Variants in DCHS2 observed in about 807,000 individuals in gnomAD.
DCHS2 encodes the protein protocadherin-23.
A neutral mutation model predicts 182.4 loss-of-function variants in DCHS2; 142 were observed. The observed-to-expected ratio is 0.78, with a 90% confidence interval of 0.68 to 0.89. The LOEUF (loss-of-function observed/expected upper bound fraction) is 0.89, where lower values mean the gene tolerates loss of function less well. DCHS2 is among the 40% of genes least tolerant of loss of function. The pLI, the probability that DCHS2 is intolerant of heterozygous loss-of-function variation, is 0.00. For missense variants in DCHS2, 4,319 were observed against 4,198.6 expected (o/e 1.03, Z -0.79); for synonymous variants, 1,740 against 1,663.3 (o/e 1.05, Z -1.12).
chr4:154,248,455 A>T (rs1201348269), intron 16 of DCHS2, among the ~76,000 whole-genome samples: 2 of 152,136 alleles, frequency 1.3e-5, no homozygotes, highest in East Asian at 3.9e-4. Context: ...TAGCCTTGGG[A>T]GAGGTGAGGC....
At chr4:154,344,860 C>A (rs1181458145) in intron 3 of DCHS2, among the ~76,000 whole-genome samples, 1 of 152,172 alleles carries the variant, frequency 6.6e-6, no homozygotes, top group Non-Finnish European at 1.5e-5. Flanking sequence ...ACTCTGGTCA[C>A]CATGGTGTGG....
intron 1 of DCHS2, among the ~76,000 whole-genome samples, chr4:154,411,253 T>G (rs61497989): frequency 0.65 from 97,982 of 151,738 alleles, 32,108 homozygotes; most frequent in East Asian, 0.98. Context: ...GGTTATCAGG[T>G]AGAAATAAGG....
At chr4:154,384,080 A>C (rs1731291698) in intron 1 of DCHS2, among the ~76,000 whole-genome samples, 1 of 152,190 alleles carries the variant, frequency 6.6e-6, no homozygotes. Flanking sequence ...AACGTTTTAC[A>C]TTTGAAGCAC....
At chr4:154,283,761 G>C (rs1402178150) in intron 13 of DCHS2, among the ~76,000 whole-genome samples, 1 of 152,130 alleles carries the variant, frequency 6.6e-6, no homozygotes, top group Non-Finnish European at 1.5e-5. Context: ...TTCAGTGTTG[G>C]ATCAGAGTCA....
intron 1 of DCHS2, among the ~76,000 whole-genome samples, chr4:154,467,899 T>A (rs568170492): frequency 1.1e-4 from 17 of 152,318 alleles, no homozygotes; most frequent in Admixed American, 6.5e-4. Flanking sequence ...TTCTGTCATA[T>A]GTTCATGCCA....
chr4:154,443,104 C>T (rs955070078), intron 1 of DCHS2, among the ~76,000 whole-genome samples: 1 of 152,084 alleles, frequency 6.6e-6, no homozygotes, highest in African/African-American at 2.4e-5. Flanking sequence ...CTCATGCCCT[C>T]ACTTCCTTCT....
intron 1 of DCHS2, among the ~76,000 whole-genome samples, chr4:154,438,815 CAA>C (rs1359705687): frequency 6.6e-6 from 1 of 152,024 alleles, no homozygotes; most frequent in African/African-American, 2.4e-5. Context: ...TACATGAATA[CAA>C]AGTCATTACA....
chr4:154,356,564 C>T (rs567427000), intron 3 of DCHS2, among the ~76,000 whole-genome samples: 1 of 152,224 alleles, frequency 6.6e-6, no homozygotes, highest in South Asian at 2.1e-4. Flanking sequence ...ATAATCAGTG[C>T]CCTATACAGG....
At chr4:154,247,998 G>A (rs1289750034) in intron 16 of DCHS2, among the ~76,000 whole-genome samples, 1 of 152,050 alleles carries the variant, frequency 6.6e-6, no homozygotes, top group Non-Finnish European at 1.5e-5. Context: ...AGATGGAGAG[G>A]GCATAAAGCA....
chr4:154,473,079 C>T (rs1408554406), intron 1 of DCHS2, among the ~76,000 whole-genome samples: 5 of 152,162 alleles, frequency 3.3e-5, no homozygotes, highest in Non-Finnish European at 5.9e-5. Context: ...TACAGCACCT[C>T]CCTGAGCCTA....
intron 1 of DCHS2, among the ~76,000 whole-genome samples, chr4:154,452,867 T>A (rs1357198470): frequency 6.6e-6 from 1 of 152,096 alleles, no homozygotes; most frequent in Non-Finnish European, 1.5e-5. Context: ...TATTTGACAA[T>A]CACAAAAGCA....
chr4:154,259,421 GTGTTGTACTACAGGGAT>G, intron 15 of DCHS2, 107 bp downstream of exon 15: 1 of 1,457,870 alleles, frequency 6.9e-7, no homozygotes, highest in East Asian at 2.4e-5. Context: ...CCTGGAAAGA[GTGTTGTACTACAGGGAT>G]TAGAAATTTT....
chr4:154,294,942 A>T (rs1423473329), intron 13 of DCHS2, among the ~76,000 whole-genome samples: 1 of 152,238 alleles, frequency 6.6e-6, no homozygotes, highest in Non-Finnish European at 1.5e-5. Flanking sequence ...CTTTCTGTTT[A>T]CAACTTCGCT....
intron 1 of DCHS2, among the ~76,000 whole-genome samples, chr4:154,456,417 C>T (rs1359372393): frequency 4.6e-5 from 7 of 152,284 alleles, no homozygotes; most frequent in East Asian, 1.9e-4. Flanking sequence ...TGCAGTCCAA[C>T]GGAGAAGATA....
chr4:154,304,447 C>T (rs1735353010), intron 12 of DCHS2, among the ~76,000 whole-genome samples: 1 of 152,062 alleles, frequency 6.6e-6, no homozygotes, highest in Non-Finnish European at 1.5e-5. Flanking sequence ...GTATCAAACA[C>T]AGAGTAATCA....
At chr4:154,349,049 G>T (rs1729485355) in intron 3 of DCHS2, among the ~76,000 whole-genome samples, 1 of 151,984 alleles carries the variant, frequency 6.6e-6, no homozygotes, top group South Asian at 2.1e-4. Flanking sequence ...GTTAAATCAG[G>T]CAGTTAATGC....
intron 10 of DCHS2, among the ~76,000 whole-genome samples, chr4:154,307,917 A>T (rs1237092210): frequency 2.0e-5 from 3 of 152,072 alleles, no homozygotes; most frequent in Non-Finnish European, 4.4e-5. Context: ...CTGCACCTGT[A>T]CTCAACTGTA....
intron 1 of DCHS2, among the ~76,000 whole-genome samples, chr4:154,471,897 G>A (rs1035778121): frequency 6.6e-6 from 1 of 152,038 alleles, no homozygotes; most frequent in Non-Finnish European, 1.5e-5. Context: ...TAGTTAGGTC[G>A]GTGATTTGAA....
chr4:154,359,062 T>C lies in DCHS2; in HGVS notation c.2476+7148A>G, dbSNP rs571107429. On this transcript the variant is annotated intron_variant, in intron 3 of 19. Transcript: ENST00000357232. ...TTTTAATACTTTAAAGTACAGTGAT[T>C]ATTTAGCTCACATTTTTCATGACAC... 5.9e-5 allele frequency among the ~76,000 whole-genome samples: 9 copies of C among 152,120 alleles called. No individual in the cohort carries two copies. The South Asian group carries it at 1.9e-3, about 31-fold the overall frequency.
Sources: gnomAD v4.1 joint callset for allele counts (sites outside exome capture counted in the v4.1 genomes callset) on GRCh38, gnomAD v4.1.1 for gene constraint, MANE v1.5 for transcripts, NCBI Gene and HGNC (gene_info 2026-07-23, HGNC 2026-07-21) for gene names.